Variants in ZC3H12B observed in about 807,000 individuals in gnomAD.
ZC3H12B encodes the protein probable ribonuclease ZC3H12B.
ZC3H12B carries 7 observed loss-of-function variants against 43.9 expected under a neutral mutation model. The ratio of observed to expected loss-of-function variants is 0.16; its 90% CI spans 0.09 to 0.30. The LOEUF (loss-of-function observed/expected upper bound fraction) is 0.30. Among genes scored for constraint, ZC3H12B ranks in the 10% least tolerant of loss-of-function variants. The probability of loss-of-function intolerance (pLI) is 1.00; values close to 1 mark genes in which losing one functional copy is unlikely to be tolerated. For synonymous variants in ZC3H12B, 222 were observed against 241.7 expected, an observed-to-expected ratio of 0.92 and a Z score of 0.76; for missense variants, 475 against 670.2, an observed-to-expected ratio of 0.71 and a Z score of 3.22.
At chrX:65,037,134 C>T in the ZC3H12B span, among the ~76,000 whole-genome samples, 3 of 109,974 alleles carry the variant, frequency 2.7e-5, no homozygotes, top group East Asian at 5.7e-4. Flanking sequence ...GGTAAATTAC[C>T]GATGGGTAAA....
chrX:65,416,784 G>A (rs772886132), intron 3 of ZC3H12B, among the ~76,000 whole-genome samples: 22 of 103,536 alleles, frequency 2.1e-4, no homozygotes, highest in African/African-American at 6.8e-4. Flanking sequence ...GCGAGACTCC[G>A]TCAAAAAAAA....
chrX:65,271,937 G>A, the ZC3H12B span: 6 of 125,584 alleles, frequency 4.8e-5, no homozygotes, highest in East Asian at 5.9e-4. Context: ...AGCCTAGGCC[G>A]GGTGCGGTGG....
the ZC3H12B span, among the ~76,000 whole-genome samples, chrX:65,228,791 A>T: frequency 8.9e-6 from 1 of 111,987 alleles, no homozygotes; most frequent in Non-Finnish European, 1.9e-5. Context: ...CAATTGCTTC[A>T]AAGAGAATAA....
chrX:65,223,020 A>T, the ZC3H12B span, among the ~76,000 whole-genome samples: 1 of 112,152 alleles, frequency 8.9e-6, no homozygotes, highest in Non-Finnish European at 1.9e-5. Flanking sequence ...ACAGCATGGT[A>T]CTGGTATAAA....
At chrX:65,056,986 A>C in the ZC3H12B span, among the ~76,000 whole-genome samples, 3 of 111,827 alleles carry the variant, frequency 2.7e-5, no homozygotes, top group Non-Finnish European at 5.6e-5. Flanking sequence ...GTGTCTCTGC[A>C]TGTGAGATGG....
chrX:65,056,075 G>A, the ZC3H12B span, among the ~76,000 whole-genome samples: 1 of 111,589 alleles, frequency 9.0e-6, no homozygotes, highest in Non-Finnish European at 1.9e-5. Flanking sequence ...GGTTTTTTCT[G>A]TGTCTGTATC....
chrX:65,469,012 A>C (rs1307585273), intron 3 of ZC3H12B: 2 of 110,634 alleles, frequency 1.8e-5, no homozygotes, highest in East Asian at 5.7e-4. Context: ...CGAGGGGGAT[A>C]TCAAGCCCCT....
At chrX:65,086,162 T>C in the ZC3H12B span, among the ~76,000 whole-genome samples, 1 of 110,245 alleles carries the variant, frequency 9.1e-6, no homozygotes, top group Non-Finnish European at 1.9e-5. Flanking sequence ...TTGCCTTCTA[T>C]GACCTTGGCA....
chrX:65,406,828 C>T (rs2066834649), intron 3 of ZC3H12B, among the ~76,000 whole-genome samples: 1 of 112,658 alleles, frequency 8.9e-6, no homozygotes, highest in African/African-American at 3.2e-5. Flanking sequence ...CACGGCCGGG[C>T]GGGACCCGCG....
the ZC3H12B span, among the ~76,000 whole-genome samples, chrX:65,163,354 C>G: frequency 1.8e-5 from 2 of 111,669 alleles, no homozygotes; most frequent in African/African-American, 3.2e-5. Context: ...TTTTGTTTGT[C>G]TGTGCCCTGC....
intron 3 of ZC3H12B, among the ~76,000 whole-genome samples, chrX:65,420,479 AG>A (rs1297521977): frequency 8.9e-6 from 1 of 112,287 alleles, no homozygotes; most frequent in Non-Finnish European, 1.9e-5. Flanking sequence ...TCTCTGCTAA[AG>A]CCAGTCTTTA....
chrX:65,048,695 A>G, the ZC3H12B span, among the ~76,000 whole-genome samples: 3 of 111,388 alleles, frequency 2.7e-5, no homozygotes, highest in Admixed American at 2.9e-4. Context: ...GGGTCATCTC[A>G]TATAGTTACC....
chrX:65,378,574 A>G (rs774207936), intron 2 of ZC3H12B, among the ~76,000 whole-genome samples: 53 of 112,519 alleles, frequency 4.7e-4, no homozygotes, highest in African/African-American at 1.7e-3. Context: ...CAACCAGGAA[A>G]CACATCACAA....
At chrX:65,064,299 G>A in the ZC3H12B span, among the ~76,000 whole-genome samples, 23 of 111,679 alleles carry the variant, frequency 2.1e-4, no homozygotes, top group African/African-American at 7.2e-4. Flanking sequence ...AATGCTATAA[G>A]TTTCCCTCTA....
chrX:65,457,972 G>A (rs1266096104), intron 3 of ZC3H12B, among the ~76,000 whole-genome samples: 1 of 59,417 alleles, frequency 1.7e-5, no homozygotes, highest in Non-Finnish European at 2.8e-5. Flanking sequence ...AGAGACCTTT[G>A]TTCACTTGTT....
At chrX:65,281,017 A>G in the ZC3H12B span, among the ~76,000 whole-genome samples, 2 of 111,797 alleles carry the variant, frequency 1.8e-5, no homozygotes, top group South Asian at 7.4e-4. Context: ...CTTACAAAAT[A>G]TAAAAAAGTA....
At chrX:65,174,486 C>T in the ZC3H12B span, among the ~76,000 whole-genome samples, 1 of 111,908 alleles carries the variant, frequency 8.9e-6, no homozygotes, top group Admixed American at 9.5e-5. Context: ...ACATCCACCC[C>T]TTCCCCAGGT....
At chrX:65,167,660 T>A in the ZC3H12B span, among the ~76,000 whole-genome samples, 1 of 112,205 alleles carries the variant, frequency 8.9e-6, no homozygotes, top group Non-Finnish European at 1.9e-5. Context: ...TGATATTGAT[T>A]CTTACTATCC....
chrX:65,181,524 C>T, the ZC3H12B span, among the ~76,000 whole-genome samples: 1 of 111,473 alleles, frequency 9.0e-6, no homozygotes. Context: ...GGTCTAATAT[C>T]CAGTATCTAC....
Sources: gnomAD v4.1 joint callset for allele counts (sites outside exome capture counted in the v4.1 genomes callset) on GRCh38, gnomAD v4.1.1 for gene constraint, MANE v1.5 for transcripts, NCBI Gene and HGNC (gene_info 2026-07-23, HGNC 2026-07-21) for gene names.